SLC14A2: variants seen among roughly 807,000 people sequenced by gnomAD.
SLC14A2 encodes solute carrier family 14 member 2.
SLC14A2 carries 91 observed loss-of-function variants against 104.6 expected under a neutral mutation model. The observed-to-expected ratio is 0.87, with a 90% CI of 0.73 to 1.04. The LOEUF is 1.04. SLC14A2 is among the 50% of genes least tolerant of loss of function. The pLI is 0.00. For synonymous variants in SLC14A2, 476 were observed against 466.4 expected, an observed-to-expected ratio of 1.02 and a Z score of -0.27; for missense variants, 1,189 against 1,156.0, an observed-to-expected ratio of 1.03 and a Z score of -0.41.
intron 1 of SLC14A2, among the ~76,000 whole-genome samples, chr18:45,277,260 T>C (rs910887907): frequency 6.6e-6 from 1 of 152,186 alleles, no homozygotes; most frequent in Non-Finnish European, 1.5e-5. Flanking sequence ...CCAAAGATTG[T>C]CAGATGCATC....
chr18:45,422,463 G>T (rs1366860891), intron 1 of SLC14A2, among the ~76,000 whole-genome samples: 1 of 152,124 alleles, frequency 6.6e-6, no homozygotes, highest in Admixed American at 6.5e-5. Flanking sequence ...AGGGAACCAG[G>T]GTGCATGAGG....
intron 2 of SLC14A2, among the ~76,000 whole-genome samples, chr18:45,552,153 C>A (rs575383527): frequency 1.3e-5 from 2 of 152,104 alleles, no homozygotes; most frequent in Admixed American, 1.3e-4. Context: ...CCTTCCTTGG[C>A]GTTGAAAGAT....
upstream of SLC14A2, among the ~76,000 whole-genome samples, chr18:45,210,673 C>G (rs1045440502): frequency 3.3e-5 from 5 of 152,180 alleles, no homozygotes; most frequent in Admixed American, 6.5e-5. Flanking sequence ...TCATGGACCA[C>G]AAGATTGGTA....
chr18:45,593,091 G>A (rs2044672538), intron 2 of SLC14A2, among the ~76,000 whole-genome samples: 1 of 152,170 alleles, frequency 6.6e-6, no homozygotes, highest in Non-Finnish European at 1.5e-5. Context: ...GCCGAGGCAG[G>A]CGGATCATGA....
intron 1 of SLC14A2, among the ~76,000 whole-genome samples, chr18:45,295,461 G>A (rs1461928854): frequency 3.9e-5 from 6 of 152,074 alleles, no homozygotes; most frequent in African/African-American, 1.4e-4. Flanking sequence ...TCATTAAGTA[G>A]CTGTCCATTC....
chr18:45,591,537 A>G (rs2044646154), intron 2 of SLC14A2, among the ~76,000 whole-genome samples: 1 of 152,136 alleles, frequency 6.6e-6, no homozygotes, highest in Admixed American at 6.5e-5. Flanking sequence ...GGGTTTCACC[A>G]TCTTGGCCAG....
chr18:45,271,555 T>C (rs1396775785), intron 1 of SLC14A2, among the ~76,000 whole-genome samples: 1 of 151,794 alleles, frequency 6.6e-6, no homozygotes, highest in Non-Finnish European at 1.5e-5. Flanking sequence ...AGTAATCCCT[T>C]TTACAATAGC....
chr18:45,594,602 G>T (rs2044696482), intron 2 of SLC14A2, among the ~76,000 whole-genome samples: 1 of 152,098 alleles, frequency 6.6e-6, no homozygotes, highest in South Asian at 2.1e-4. Flanking sequence ...GGCAGACCCA[G>T]GCAGAGTGGG....
At chr18:45,458,301 T>G (rs888762452) in intron 1 of SLC14A2, among the ~76,000 whole-genome samples, 10 of 152,106 alleles carry the variant, frequency 6.6e-5, no homozygotes, top group Admixed American at 1.3e-4. Context: ...TTAGTCTCCA[T>G]TTGCTGTCAC....
intron 2 of SLC14A2, among the ~76,000 whole-genome samples, chr18:45,502,567 C>T (rs1352546353): frequency 6.6e-6 from 1 of 152,176 alleles, no homozygotes; most frequent in African/African-American, 2.4e-5. Flanking sequence ...CAATATTGCA[C>T]CATGAGATGC....
intron 1 of SLC14A2, among the ~76,000 whole-genome samples, chr18:45,365,413 C>T (rs2085656519): frequency 6.6e-6 from 1 of 152,230 alleles, no homozygotes; most frequent in Admixed American, 6.5e-5. Context: ...AATTCATTCA[C>T]TCAATAATTT....
intron 1 of SLC14A2, among the ~76,000 whole-genome samples, chr18:45,277,976 A>C (rs1265886173): frequency 6.6e-6 from 1 of 152,166 alleles, no homozygotes; most frequent in Non-Finnish European, 1.5e-5. Flanking sequence ...TCCATGCCAG[A>C]CTGACTCCTT....
intron 2 of SLC14A2, among the ~76,000 whole-genome samples, chr18:45,491,707 G>A (rs1444345053): frequency 6.6e-6 from 1 of 152,192 alleles, no homozygotes; most frequent in Non-Finnish European, 1.5e-5. Context: ...TGGGGAGCAG[G>A]AGGCTACAGG....
intron 1 of SLC14A2, among the ~76,000 whole-genome samples, chr18:45,465,379 T>A (rs562675909): frequency 5.3e-5 from 8 of 152,048 alleles, no homozygotes; most frequent in Admixed American, 5.2e-4. Flanking sequence ...ACAAAGAGGG[T>A]TTTGTGAAAG....
rs1349714033 is a variant in SLC14A2, at chr18:45,672,970, T to C, written c.2300T>C (p.Phe767Ser). 6.2e-7 allele frequency: 1 copy of C among 1,614,042 alleles called. No individual in the cohort carries two copies. The highest frequency in any genetic ancestry group is 8.5e-7 in the Non-Finnish European group (1 of 1,180,000). The change falls in exon 17 of 20, where the codon TTC (phenylalanine) becomes TCC (serine). Residue 767 changes from phenylalanine (F) to serine (S), a missense_variant. Physicochemically the swap from Phe to Ser is radical, Grantham distance 155. Coordinates refer to ENST00000255226, the MANE Select transcript of SLC14A2 (RefSeq NM_007163.4). ...GATAACCCCTGGACTGGAGGCATCT[T>C]CCTCATAGCTCTGTTCATATCCTCA... Reference protein sequence around the residue: ...GCDNPWTGGIFLIALFISSPL... With the variant: ...GCDNPWTGGISLIALFISSPL...
intron 1 of SLC14A2, among the ~76,000 whole-genome samples, chr18:45,417,568 C>T (rs1302444738): frequency 6.6e-6 from 1 of 152,194 alleles, no homozygotes; most frequent in East Asian, 1.9e-4. Context: ...AGAACTCACT[C>T]ACTATCAGGA....
intron 10 of SLC14A2, among the ~76,000 whole-genome samples, chr18:45,662,558 C>A (rs2045952254): frequency 6.6e-6 from 1 of 152,084 alleles, no homozygotes; most frequent in Non-Finnish European, 1.5e-5. Context: ...GTCCACAAAC[C>A]AGACTGAGTA....
chr18:45,407,658 A>G (rs953938253), intron 1 of SLC14A2, among the ~76,000 whole-genome samples: 4 of 152,174 alleles, frequency 2.6e-5, no homozygotes, highest in East Asian at 1.9e-4. Flanking sequence ...TGAGAGGCAT[A>G]TAACTCTATT....
rs115523290 is a variant in SLC14A2, at chr18:45,522,799, T to C, written c.-35+39477T>C. 3.4e-3 allele frequency among the ~76,000 whole-genome samples: 512 copies of C among 152,280 alleles called. 4 individuals are homozygous for C. The highest frequency in any genetic ancestry group is 0.011 in the African/African-American group (473 of 41,558). ...TCAGGCTCTCATTGGATTCCCCAAT[T>C]CTTATTAACATGTGGATCATTAGAA... On this transcript the variant is annotated intron_variant, in intron 2 of 20. Transcript: ENST00000586448.
Sources: allele counts gnomAD v4.1 joint callset (sites outside exome capture counted in the v4.1 genomes callset), GRCh38; gene constraint gnomAD v4.1.1; transcripts MANE v1.5; gene names NCBI Gene and HGNC (gene_info 2026-07-23, HGNC 2026-07-21).